SMARCA2: variants seen among roughly 807,000 people sequenced by gnomAD.
SMARCA2 encodes SWI/SNF related BAF chromatin remodeling complex subunit ATPase 2.
A neutral mutation model predicts 199.8 loss-of-function variants in SMARCA2; 61 were observed. That is an observed-to-expected ratio of 0.31 (90% CI 0.25 to 0.38). SMARCA2 has a LOEUF of 0.38. Among genes scored for constraint, SMARCA2 ranks in the 10% least tolerant of loss-of-function variants. SMARCA2 has a pLI of 1.00. For synonymous variants in SMARCA2, 935 were observed against 732.0 expected (o/e 1.28, Z -4.48); for missense variants, 1,344 against 2,012.2 (o/e 0.67, Z 6.35).
rs555696539 is a variant in SMARCA2, at chr9:2,123,276, A to C, written c.3763-443A>C. ...TATTGCTGATTGTTTAGTTCAAAGC[A>C]CAAGCCCTATTGAATAAAAGGAAAC... On this transcript the variant is annotated intron_variant, in intron 26 of 33. Transcript: ENST00000349721. This position sits in a 1 kb window ranked among gnomAD's most constrained non-coding sequence, Gnocchi z 4.1. 1.6e-4 allele frequency among the ~76,000 whole-genome samples: 24 copies of C among 152,158 alleles called. No individual in the cohort carries two copies. Among genetic ancestry groups the C allele is most frequent in the African/African-American group, 5.8e-4 (24 of 41,514 alleles).
In SMARCA2 at chr9:2,062,016, G is replaced by A. The variant is rs144442585; in HGVS notation, c.1692+1030G>A. On this transcript the variant is annotated intron_variant, in intron 9 of 33. Coordinates refer to ENST00000349721, the MANE Select transcript of SMARCA2 (RefSeq NM_003070.5). ...AGGAATACCTCATTTTCTTGTCAGT[G>A]TAGCATTATAGACTGTGCAAAACTC... 8.6e-4 allele frequency among the ~76,000 whole-genome samples: 131 copies of A among 152,264 alleles called. 3 individuals carry two copies. The highest frequency in any genetic ancestry group is 3.0e-3 in the African/African-American group (125 of 41,540).
chr9:2,048,233 A>G (rs951407774), intron 5 of SMARCA2, among the ~76,000 whole-genome samples: 9 of 152,162 alleles, frequency 5.9e-5, no homozygotes, highest in African/African-American at 1.9e-4. Flanking sequence ...GTTAATGTCA[A>G]CCCAAAAGGG....
intron 26 of SMARCA2, among the ~76,000 whole-genome samples, chr9:2,120,164 C>T (rs1823394294): frequency 1.3e-5 from 2 of 152,194 alleles, no homozygotes; most frequent in African/African-American, 4.8e-5. Context: ...GTTGGATTTC[C>T]CTCCAGTATC....
rs1233285033 is a variant in SMARCA2, at chr9:2,017,462, T to C, written c.-37+2058T>C. The C allele has an allele frequency of 2.0e-5, 3 of 152,004 alleles. No individual in the cohort carries two copies. The allele number at this position is 152,004 out of a possible 1,614,324, so 9.4% of individuals were successfully genotyped here. ...GAGCAGCGGCTCGGGCAGCTGCTCC[T>C]GCCCGCACCCTCCCCTGGAGCCCGG... On this transcript the variant is annotated intron_variant, in intron 1 of 33. Transcript: ENST00000349721. The surrounding 1 kb of genome is among the most constrained non-coding windows in gnomAD (Gnocchi z 8.8).
intron 14 of SMARCA2, among the ~76,000 whole-genome samples, chr9:2,079,440 A>G (rs942617510): frequency 6.6e-6 from 1 of 152,252 alleles, no homozygotes; most frequent in Non-Finnish European, 1.5e-5. Context: ...AGTGCAGAAT[A>G]CAATGACTGC....
intron 23 of SMARCA2, among the ~76,000 whole-genome samples, chr9:2,105,512 C>T (rs1047806787): frequency 9.2e-5 from 14 of 152,234 alleles, no homozygotes; most frequent in Middle Eastern, 6.8e-3. Flanking sequence ...CCTCGGCCTC[C>T]CACAGTGTTG....
intron 19 of SMARCA2, among the ~76,000 whole-genome samples, chr9:2,094,508 A>C (rs1040146627): frequency 3.9e-5 from 6 of 152,206 alleles, no homozygotes; most frequent in Non-Finnish European, 5.9e-5. Flanking sequence ...TGCCTTCCAC[A>C]TTCAGGAAGG....
At position 2,104,416 on chromosome 9, in the gene SMARCA2, T is replaced by A. The variant is rs1202250238; in HGVS notation, c.3292+247T>A. ...GAGTTTAGAGTCACTTTTGAGTACC[T>A]AAATAAAATAAAATTAAACTAAATT... On this transcript the variant is annotated intron_variant, in intron 23 of 33. Transcript: ENST00000349721. This position sits in a 1 kb window ranked among gnomAD's most constrained non-coding sequence, Gnocchi z 4.0. Among the ~76,000 whole-genome samples the A allele has an allele frequency of 6.6e-6, 1 of 152,196 alleles. No individual in the cohort carries two copies. Among genetic ancestry groups the A allele is most frequent in the Non-Finnish European group, 1.5e-5 (1 of 68,024 alleles).
At chr9:2,085,592 T>C (rs1821766925) in intron 17 of SMARCA2, 1 of 152,212 alleles carries the variant, frequency 6.6e-6, no homozygotes, top group African/African-American at 2.4e-5. Context: ...TGTACAGCTT[T>C]AATTATCCTT....
In SMARCA2 at chr9:2,193,024, A is replaced by T; in HGVS notation, c.*285A>T. The stretch of plus-strand genomic sequence containing the variant: ...ATATGTGGGTGGATAGTATATTTCT[A>T]TGGGTGGGTCTAATTTGGTAACGGT... On this transcript the variant is annotated 3_prime_UTR_variant, in exon 34 of 34. Transcript: ENST00000349721. The T allele has an allele frequency of 2.8e-6, 1 of 353,278 alleles. No homozygotes were observed. The highest frequency in any genetic ancestry group is 5.1e-6 in the Non-Finnish European group (1 of 197,496). The allele number at this position is 353,278 out of a possible 1,614,324, so 21.9% of individuals were successfully genotyped here.
At chr9:2,064,739 A>G (rs753009742) in intron 9 of SMARCA2, among the ~76,000 whole-genome samples, 3 of 151,848 alleles carry the variant, frequency 2.0e-5, no homozygotes, top group African/African-American at 7.3e-5. Context: ...TGTTCCCCCA[A>G]CTCCTACAAA....
At chr9:2,165,811 GT>G (rs1825903893) in intron 28 of SMARCA2, among the ~76,000 whole-genome samples, 1 of 152,156 alleles carries the variant, frequency 6.6e-6, no homozygotes, top group Admixed American at 6.6e-5. Flanking sequence ...ATGGCTTTCA[GT>G]TACTTGGATA....
chr9:2,046,365 T>C (rs1220648141), intron 4 of SMARCA2, among the ~76,000 whole-genome samples: 2 of 152,256 alleles, frequency 1.3e-5, no homozygotes, highest in Non-Finnish European at 2.9e-5. Flanking sequence ...GCTTTCAGAT[T>C]ACATATTGTT....
rs1819534013 is a variant in SMARCA2 at position 2,039,989 on chromosome 9, CG to C, written c.790+93del. The C allele has an allele frequency of 6.4e-7, 1 of 1,558,356 alleles. No homozygotes were observed. Among genetic ancestry groups the C allele is most frequent in the African/African-American group, 1.4e-5 (1 of 73,984 alleles). On this transcript the variant is annotated intron_variant, in intron 4 of 33. Coordinates refer to ENST00000349721, the MANE Select transcript of SMARCA2 (RefSeq NM_003070.5). This position sits in a 1 kb window ranked among gnomAD's most constrained non-coding sequence, Gnocchi z 4.8. ...CCAAAACACCGGGTTGTTAAAAGCC[CG>C]GGGCTGACGTAGCCTTTTGTTATAC...
At chr9:2,174,806 G>A (rs1826448073) in intron 29 of SMARCA2, among the ~76,000 whole-genome samples, 1 of 151,566 alleles carries the variant, frequency 6.6e-6, no homozygotes, top group Admixed American at 6.6e-5. Flanking sequence ...AGTAGTCCTG[G>A]CTACTTAGGA....
chr9:2,072,965 G>C (rs1450600689), intron 10 of SMARCA2: 9 of 459,354 alleles, frequency 2.0e-5, no homozygotes, highest in Non-Finnish European at 3.5e-5. Flanking sequence ...TCACAACCTT[G>C]GTGATGTATC....
At chr9:2,031,075 T>C (rs985538078) in intron 2 of SMARCA2, among the ~76,000 whole-genome samples, 4 of 152,092 alleles carry the variant, frequency 2.6e-5, no homozygotes, top group African/African-American at 9.7e-5. Context: ...AGCACAGATA[T>C]GTATATATTG....
chr9:2,151,430 T>C (rs183625313), intron 27 of SMARCA2, among the ~76,000 whole-genome samples: 7 of 151,660 alleles, frequency 4.6e-5, no homozygotes, highest in Admixed American at 4.6e-4. Flanking sequence ...AGCATGAAGC[T>C]ACAGTACGAA....
At chr9:2,087,737 C>G (rs925304273) in intron 18 of SMARCA2, among the ~76,000 whole-genome samples, 2 of 152,134 alleles carry the variant, frequency 1.3e-5, no homozygotes, top group African/African-American at 4.8e-5. Flanking sequence ...ATAGTGGTTC[C>G]TCATTCATAG....
Sources: allele counts gnomAD v4.1 joint callset (sites outside exome capture counted in the v4.1 genomes callset), GRCh38; gene constraint gnomAD v4.1.1; non-coding constraint Gnocchi (gnomAD v3.1); transcripts MANE v1.5; gene names NCBI Gene and HGNC (gene_info 2026-07-23, HGNC 2026-07-21).